Variants in LAMA3 observed in about 807,000 individuals in gnomAD.
The protein encoded by LAMA3 is laminin subunit alpha-3.
A neutral mutation model predicts 402.0 loss-of-function variants in LAMA3; 281 were observed. The ratio of observed to expected loss-of-function variants is 0.70; its 90% CI spans 0.63 to 0.77. The LOEUF (loss-of-function observed/expected upper bound fraction) is 0.77, where lower values mean the gene tolerates loss of function less well. LAMA3 is among the 30% of genes least tolerant of loss of function. The pLI is 0.00. For missense variants in LAMA3, 3,840 were observed against 4,215.5 expected (o/e 0.91, Z 2.47); for synonymous variants, 1,431 against 1,558.4 (o/e 0.92, Z 1.93).
chr18:23,944,102 G>T, intron 69 of LAMA3, 131 bp downstream of exon 69: 2 of 871,060 alleles, frequency 2.3e-6, no homozygotes, highest in African/African-American at 1.7e-5. Context: ...GCTTGCAGGC[G>T]CTGCGTTCCC....
At chr18:23,829,926 A>C (rs1598876560) in intron 23 of LAMA3, among the ~76,000 whole-genome samples, 1 of 152,292 alleles carries the variant, frequency 6.6e-6, no homozygotes, top group African/African-American at 2.4e-5. Flanking sequence ...GCAGATTGGA[A>C]GCAATTTTTA....
intron 60 of LAMA3, among the ~76,000 whole-genome samples, chr18:23,919,617 G>A (rs2081760188): frequency 6.6e-6 from 1 of 152,200 alleles, no homozygotes; most frequent in Non-Finnish European, 1.5e-5. Context: ...GACAGCATTT[G>A]AACAGGACAT....
chr18:23,888,647 C>T (rs1375453472), intron 41 of LAMA3, among the ~76,000 whole-genome samples: 3 of 152,142 alleles, frequency 2.0e-5, no homozygotes, highest in Non-Finnish European at 4.4e-5. Flanking sequence ...CTTACTGATC[C>T]TTTACATTAT....
At position 23,827,396 on chromosome 18, in the gene LAMA3, G is replaced by A; in HGVS notation, c.2752G>A (p.Glu918Lys). The change falls in exon 23 of 75, where the codon GAG becomes AAG. Residue 918 changes from glutamate (E) to lysine (K), a missense_variant. By Grantham distance (56) the Glu-to-Lys change is moderately conservative. This residue lies in a region of LAMA3 where 2,109 missense variants were observed against 2,376.0 expected (regional missense o/e 0.89). Coordinates refer to ENST00000313654, the MANE Select transcript of LAMA3 (RefSeq NM_198129.4). ...GGCCAGACACTTCCTGCTTGATGGG[G>A]AGCCAAGACCCGTGGCAGTGAGGCA... ...CEARHFLLDG[E>K]PRPVAVRQPT... The A allele has an allele frequency of 8.7e-6, 14 of 1,614,192 alleles. No homozygotes were observed. Among genetic ancestry groups the A allele is most frequent in the South Asian group, 4.4e-5 (4 of 91,082 alleles).
intron 32 of LAMA3, among the ~76,000 whole-genome samples, chr18:23,848,529 C>T (rs1385367696): frequency 6.6e-6 from 1 of 152,100 alleles, no homozygotes; most frequent in Non-Finnish European, 1.5e-5. Flanking sequence ...GAGGCCAGGC[C>T]AGGATGGCAG....
At chr18:23,889,062 C>T (rs2144998059) in intron 41 of LAMA3, among the ~76,000 whole-genome samples, 1 of 152,190 alleles carries the variant, frequency 6.6e-6, no homozygotes, top group African/African-American at 2.4e-5. Context: ...GCAGCTGTAA[C>T]TGCTCTCAGT....
chr18:23,950,918 A>G (rs1599185883), intron 72 of LAMA3, among the ~76,000 whole-genome samples: 1 of 152,320 alleles, frequency 6.6e-6, no homozygotes, highest in East Asian at 1.9e-4. Context: ...GAGAGTCTCT[A>G]CTGAGAGTCT....
At chr18:23,700,060 T>C (rs1435054935) in intron 1 of LAMA3, among the ~76,000 whole-genome samples, 2 of 152,224 alleles carry the variant, frequency 1.3e-5, no homozygotes, top group Non-Finnish European at 2.9e-5. Context: ...CCATGATCTT[T>C]TTTTATCCTA....
intron 12 of LAMA3, among the ~76,000 whole-genome samples, chr18:23,809,563 C>T (rs2063026571): frequency 6.6e-6 from 1 of 152,172 alleles, no homozygotes; most frequent in African/African-American, 2.4e-5. Flanking sequence ...TTGTGCAACT[C>T]CAGCCCATAG....
At chr18:23,899,194 A>C (rs1014300387) in intron 46 of LAMA3, 94 bp from the exon 47 acceptor site, 89 of 1,326,388 alleles carry the variant, frequency 6.7e-5, no homozygotes, top group African/African-American at 6.1e-4. Flanking sequence ...AAACTAATAT[A>C]AAATCTCCAT....
At chr18:23,942,051 A>T (rs910389365) in intron 68 of LAMA3, among the ~76,000 whole-genome samples, 2 of 152,220 alleles carry the variant, frequency 1.3e-5, no homozygotes, top group Admixed American at 6.5e-5. Context: ...GAAACTTGCT[A>T]ATCTGAAGAA....
intron 4 of LAMA3, among the ~76,000 whole-genome samples, 169 bp from the exon 5 acceptor site, chr18:23,750,749 G>A (rs1311093352): frequency 6.6e-6 from 1 of 152,034 alleles, no homozygotes; most frequent in Non-Finnish European, 1.5e-5. Flanking sequence ...GGGAAGATGG[G>A]ACTAGCAATG....
At chr18:23,845,262 G>A in intron 30 of LAMA3, 138 bp downstream of exon 30, 1 of 684,140 alleles carries the variant, frequency 1.5e-6, no homozygotes, top group Admixed American at 2.1e-5. Flanking sequence ...GTGAGTCCCA[G>A]GGGAAGATGC....
chr18:23,748,074 C>T lies in LAMA3; in HGVS notation c.565+14C>T. 1 of 1,363,922 alleles carries T rather than the reference C, an allele frequency of 7.3e-7. No homozygotes were observed. The highest frequency in any genetic ancestry group is 1.1e-6 in the Non-Finnish European group (1 of 951,520). 84.5% of individuals were successfully genotyped at this position (1,363,922 alleles called of 1,614,324 possible). The stretch of plus-strand genomic sequence containing the variant: ...AATATTTTGCTCGTAAGTAATCTTG[C>T]CTACCATGTTATGCATGGCTTTAAT... On this transcript the variant is annotated intron_variant, in intron 3 of 74. Coordinates refer to ENST00000313654, the MANE Select transcript of LAMA3 (RefSeq NM_198129.4).
intron 22 of LAMA3, 28 bp from the exon 23 acceptor site, chr18:23,827,286 G>A (rs138344788): frequency 9.1e-5 from 146 of 1,613,102 alleles, no homozygotes; most frequent in Middle Eastern, 4.9e-4. Flanking sequence ...TGTAACTATT[G>A]ATTCCATTGT....
Position 23,939,311 on chromosome 18 carries a change from A to C in LAMA3, c.8951A>C (p.His2984Pro), listed in dbSNP as rs758631496. ...CSPLPKTQAN[H>P]GALQFGDIPT... ...CCACTTCCCAAGACCCAGGCCAATC[A>C]TGGAGCCCTCCAGTTTGGGGACATT... is the stretch of plus-strand genomic sequence containing the variant. The change falls in exon 68 of 75, where the codon CAT (histidine) becomes CCT (proline). Residue 2984 changes from histidine (H) to proline (P), a missense_variant. Coordinates refer to ENST00000313654, the MANE Select transcript of LAMA3 (RefSeq NM_198129.4). 6 of 1,614,200 alleles carry C rather than the reference A, an allele frequency of 3.7e-6. No individual in the cohort carries two copies. The highest frequency in any genetic ancestry group is 5.1e-6 in the Non-Finnish European group (6 of 1,180,022).
At chr18:23,820,026 G>A in intron 19 of LAMA3, 29 bp downstream of exon 19, 1 of 1,612,708 alleles carries the variant, frequency 6.2e-7, no homozygotes, top group Non-Finnish European at 8.5e-7. Context: ...GCAGCTTCAT[G>A]GCTGAGTAGC....
chr18:23,952,999 A>G lies in LAMA3; in HGVS notation c.9746A>G (p.Lys3249Arg), dbSNP rs200757779. The part of the protein sequence containing the change: ...GQWHSVAVTI[K>R]QHILHLELDT... ...AGCCTCCTTTCCCCAGTCACCATAA[A>G]ACAACACATCCTGCACCTGGAACTG... is the stretch of plus-strand genomic sequence containing the variant. The change falls in exon 74 of 75, where the codon AAA (lysine) becomes AGA (arginine). Residue 3249 changes from lysine to arginine, a missense_variant. Lys to Arg is a conservative substitution (Grantham distance 26). Around this residue, in one of 3 missense-constraint regions of LAMA3, gnomAD observed 840 missense variants for 981.9 expected, o/e 0.86. Coordinates refer to ENST00000313654, the MANE Select transcript of LAMA3 (RefSeq NM_198129.4). 6.2e-7 allele frequency: 1 copy of G among 1,614,060 alleles called. No individual in the cohort carries two copies. Among genetic ancestry groups the G allele is most frequent in the East Asian group, 2.2e-5 (1 of 44,876 alleles).
chr18:23,948,235 A>G (rs1325413907), intron 70 of LAMA3, among the ~76,000 whole-genome samples: 1 of 152,078 alleles, frequency 6.6e-6, no homozygotes. Flanking sequence ...AAATAGTAGC[A>G]CCCCATTTAC....
Sources: allele counts gnomAD v4.1 joint callset (sites outside exome capture counted in the v4.1 genomes callset), GRCh38; gene constraint gnomAD v4.1.1; regional missense constraint gnomAD v4.1.1; transcripts MANE v1.5; gene names NCBI Gene and HGNC (gene_info 2026-07-23, HGNC 2026-07-21).